The following ANKS1B variants were observed in gnomAD, a reference collection of about 807,000 sequenced individuals.
ANKS1B encodes ankyrin repeat and sterile alpha motif domain containing 1B.
ANKS1B carries 36 observed loss-of-function variants against 148.3 expected under a neutral mutation model. The ratio of observed to expected loss-of-function variants is 0.24; its 90% confidence interval spans 0.19 to 0.32. The LOEUF is 0.32. Ranked by LOEUF, ANKS1B falls within the 10% of genes least tolerant of loss-of-function variation. The pLI is 1.00. For synonymous variants in ANKS1B, 542 were observed against 560.8 expected (o/e 0.97, Z 0.47); for missense variants, 1,157 against 1,542.6 (o/e 0.75, Z 4.19).
intron 16 of ANKS1B, among the ~76,000 whole-genome samples, chr12:99,073,913 C>G (rs1406597390): frequency 6.6e-6 from 1 of 152,126 alleles, no homozygotes; most frequent in Non-Finnish European, 1.5e-5. Flanking sequence ...AGTTCAGTTA[C>G]TAAGGAGCAA....
intron 10 of ANKS1B, among the ~76,000 whole-genome samples, chr12:99,494,976 T>C (rs2096590176): frequency 2.0e-5 from 3 of 152,076 alleles, no homozygotes; most frequent in Non-Finnish European, 4.4e-5. Flanking sequence ...AATTCTATTT[T>C]CTTTATGAAT....
chr12:99,008,555 G>C (rs1241051884), intron 17 of ANKS1B, among the ~76,000 whole-genome samples: 1 of 152,072 alleles, frequency 6.6e-6, no homozygotes, highest in African/African-American at 2.4e-5. Flanking sequence ...AGCCTTCATA[G>C]CAATCAGCCA....
chr12:98,954,401 T>C (rs1020244470), intron 17 of ANKS1B: 8 of 152,224 alleles, frequency 5.3e-5, no homozygotes, highest in African/African-American at 1.2e-4. Context: ...AGTTTGAATG[T>C]AACCTCTTCA....
At chr12:99,981,129 T>G (rs1026261916) in intron 1 of ANKS1B, among the ~76,000 whole-genome samples, 2 of 152,030 alleles carry the variant, frequency 1.3e-5, no homozygotes, top group Non-Finnish European at 2.9e-5. Flanking sequence ...TAGAGGTGCA[T>G]GAAAAATATT....
intron 8 of ANKS1B, among the ~76,000 whole-genome samples, chr12:99,674,488 C>G (rs1285083406): frequency 1.3e-5 from 2 of 151,660 alleles, no homozygotes; most frequent in African/African-American, 4.8e-5. Flanking sequence ...AATATAAGTA[C>G]TATGAAAAGT....
intron 9 of ANKS1B, among the ~76,000 whole-genome samples, chr12:99,639,323 T>G (rs1381862873): frequency 2.0e-5 from 3 of 152,244 alleles, no homozygotes; most frequent in Non-Finnish European, 4.4e-5. Context: ...ACTAACTTGC[T>G]TTTGATTTTA....
chr12:99,636,926 G>A (rs2098243019), intron 9 of ANKS1B, among the ~76,000 whole-genome samples: 1 of 152,170 alleles, frequency 6.6e-6, no homozygotes. Context: ...TGATTCACAT[G>A]AGAAAAAATA....
chr12:99,879,202 C>T (rs1349483661), intron 1 of ANKS1B, among the ~76,000 whole-genome samples: 1 of 152,164 alleles, frequency 6.6e-6, no homozygotes, highest in Admixed American at 6.5e-5. Flanking sequence ...CATGTTATCC[C>T]TTCAGAGAAG....
At chr12:98,836,633 C>T (rs911087805) in intron 17 of ANKS1B, among the ~76,000 whole-genome samples, 7 of 152,188 alleles carry the variant, frequency 4.6e-5, no homozygotes, top group African/African-American at 4.8e-5. Flanking sequence ...TGGAATCCTA[C>T]AACCCCAGGC....
At chr12:99,647,362 T>G (rs1374813411) in intron 9 of ANKS1B, among the ~76,000 whole-genome samples, 1 of 152,206 alleles carries the variant, frequency 6.6e-6, no homozygotes, top group East Asian at 1.9e-4. Context: ...TTATAATTTT[T>G]TACTCTACAA....
At chr12:98,818,682 A>G (rs1015558401) in intron 19 of ANKS1B, among the ~76,000 whole-genome samples, 4 of 152,236 alleles carry the variant, frequency 2.6e-5, no homozygotes, top group Admixed American at 2.0e-4. Flanking sequence ...TGAATGGCTG[A>G]AAAAAACCTA....
intron 17 of ANKS1B, among the ~76,000 whole-genome samples, chr12:98,997,230 C>A (rs542384618): frequency 6.6e-5 from 10 of 152,224 alleles, no homozygotes; most frequent in African/African-American, 2.4e-4. Context: ...AAAAGGTTAT[C>A]TCTTTCACTG....
intron 15 of ANKS1B, among the ~76,000 whole-genome samples, chr12:99,115,324 A>G (rs570169120): frequency 6.6e-6 from 1 of 152,218 alleles, no homozygotes; most frequent in African/African-American, 2.4e-5. Flanking sequence ...TTGTGGGAAC[A>G]TGATGGAGCT....
intron 12 of ANKS1B, among the ~76,000 whole-genome samples, chr12:99,307,502 C>T (rs2154023999): frequency 6.6e-6 from 1 of 152,096 alleles, no homozygotes; most frequent in African/African-American, 2.4e-5. Context: ...AGGCAGTGAA[C>T]AGGCAGTCCT....
chr12:99,921,867 C>CTTT (rs900058943), intron 1 of ANKS1B, among the ~76,000 whole-genome samples: 1 of 149,728 alleles, frequency 6.7e-6, no homozygotes, highest in Non-Finnish European at 1.5e-5. Flanking sequence ...AAAATATAAA[C>CTTT]TTTTTTTTTT....
At chr12:99,382,205 A>C (rs1028267207) in intron 12 of ANKS1B, among the ~76,000 whole-genome samples, 1 of 152,226 alleles carries the variant, frequency 6.6e-6, no homozygotes, top group Non-Finnish European at 1.5e-5. Flanking sequence ...GCTTTAACGA[A>C]GGTGAGTCAT....
chr12:99,068,723 G>T (rs2153581133), intron 16 of ANKS1B, among the ~76,000 whole-genome samples: 1 of 151,020 alleles, frequency 6.6e-6, no homozygotes, highest in Non-Finnish European at 1.5e-5. Context: ...GAGAGAGAGA[G>T]ACAGAGAGAG....
At chr12:99,327,001 C>T (rs1230584867) in intron 12 of ANKS1B, among the ~76,000 whole-genome samples, 1 of 135,412 alleles carries the variant, frequency 7.4e-6, no homozygotes, top group Non-Finnish European at 1.5e-5. Flanking sequence ...ATATATAATA[C>T]ATAATTTATA....
At chr12:99,067,069 T>C (rs1421164390) in intron 16 of ANKS1B, among the ~76,000 whole-genome samples, 1 of 152,220 alleles carries the variant, frequency 6.6e-6, no homozygotes, top group Non-Finnish European at 1.5e-5. Flanking sequence ...ACTCTGACTG[T>C]GCCCTGGCCA....
Sources: gnomAD v4.1 joint callset for allele counts (sites outside exome capture counted in the v4.1 genomes callset) on GRCh38, gnomAD v4.1.1 for gene constraint, MANE v1.5 for transcripts, NCBI Gene and HGNC (gene_info 2026-07-23, HGNC 2026-07-21) for gene names.